DKK2: variants seen among roughly 807,000 people sequenced by gnomAD.
DKK2 encodes dickkopf Wnt signaling pathway inhibitor 2.
A neutral mutation model predicts 28.1 loss-of-function variants in DKK2; 11 were observed. The observed-to-expected ratio is 0.39, with a 90% confidence interval of 0.25 to 0.65. The LOEUF (loss-of-function observed/expected upper bound fraction) is 0.65. Ranked by LOEUF, DKK2 falls within the 30% of genes least tolerant of loss-of-function variation. The pLI is 0.47. For synonymous variants in DKK2, 135 were observed against 126.5 expected, an observed-to-expected ratio of 1.07 and a Z score of -0.45; for missense variants, 326 against 335.5, an observed-to-expected ratio of 0.97 and a Z score of 0.22.
intron 1 of DKK2, among the ~76,000 whole-genome samples, chr4:106,991,219 T>C (rs1202157958): frequency 6.6e-6 from 1 of 152,218 alleles, no homozygotes; most frequent in Non-Finnish European, 1.5e-5. Context: ...TCCAGTTAAT[T>C]TTTTTCATCC....
chr4:106,979,586 C>T (rs999051508), intron 1 of DKK2, among the ~76,000 whole-genome samples: 1 of 152,016 alleles, frequency 6.6e-6, no homozygotes, highest in Non-Finnish European at 1.5e-5. Flanking sequence ...TCCTGTGTAC[C>T]ATAAATAGGC....
At chr4:107,006,031 G>A (rs990031290) in intron 1 of DKK2, among the ~76,000 whole-genome samples, 4 of 152,140 alleles carry the variant, frequency 2.6e-5, no homozygotes, top group Admixed American at 2.6e-4. Flanking sequence ...AAAGTAAATA[G>A]CACCATTCTG....
intron 1 of DKK2, among the ~76,000 whole-genome samples, chr4:106,931,477 T>G (rs1443495179): frequency 6.6e-6 from 1 of 152,124 alleles, no homozygotes; most frequent in African/African-American, 2.4e-5. Flanking sequence ...AATTTTTTGG[T>G]GTGTGTGTTT....
At chr4:106,977,436 TC>T (rs1236824025) in intron 1 of DKK2, among the ~76,000 whole-genome samples, 1 of 152,184 alleles carries the variant, frequency 6.6e-6, no homozygotes, top group Non-Finnish European at 1.5e-5. Context: ...CTTTGTTCTT[TC>T]CTTTTCATTC....
At chr4:107,001,691 C>T (rs982854192) in intron 1 of DKK2, among the ~76,000 whole-genome samples, 2 of 152,066 alleles carry the variant, frequency 1.3e-5, no homozygotes, top group Admixed American at 6.6e-5. Context: ...GGGCAGAGAC[C>T]ATGGATTACC....
chr4:106,934,059 A>G (rs1459760110), intron 1 of DKK2, among the ~76,000 whole-genome samples: 1 of 119,924 alleles, frequency 8.3e-6, no homozygotes, highest in Non-Finnish European at 1.7e-5. Context: ...ACACACAGAT[A>G]CACACACACA....
chr4:106,933,452 A>T (rs1372570790), intron 1 of DKK2, among the ~76,000 whole-genome samples: 1 of 152,210 alleles, frequency 6.6e-6, no homozygotes, highest in Non-Finnish European at 1.5e-5. Flanking sequence ...CTACAACTGT[A>T]TGAAAAAGTA....
intron 1 of DKK2, among the ~76,000 whole-genome samples, chr4:106,970,188 GGTATT>G (rs1352088678): frequency 6.6e-6 from 1 of 151,946 alleles, no homozygotes; most frequent in Non-Finnish European, 1.5e-5. Flanking sequence ...ACTTCACAAG[GGTATT>G]GTAAAGATTA....
In DKK2 at chr4:107,035,791, C is replaced by A. The variant is rs1362157679; in HGVS notation, c.-200G>T. The A allele has an allele frequency of 1.7e-6, 1 of 597,246 alleles. No homozygotes were observed. Among genetic ancestry groups the A allele is most frequent in the Non-Finnish European group, 3.0e-6 (1 of 336,760 alleles). The allele number at this position is 597,246 out of a possible 1,614,324, so 37.0% of individuals were successfully genotyped here. On this transcript the variant is annotated 5_prime_UTR_variant, in exon 1 of 4. Coordinates refer to ENST00000285311, the MANE Select transcript of DKK2 (RefSeq NM_014421.3). The stretch of plus-strand genomic sequence containing the variant: ...AGGACAGAAATTAGCGGAACCCAAG[C>A]GAGACCCGCTTCTCCACCAGGACAG...
At chr4:107,007,477 ATAAATATATTT>A (rs1723454249) in intron 1 of DKK2, among the ~76,000 whole-genome samples, 1 of 152,204 alleles carries the variant, frequency 6.6e-6, no homozygotes, top group Non-Finnish European at 1.5e-5. Context: ...ATATTTTAAA[ATAAATATATTT>A]TGAATAAAAA....
At chr4:106,997,250 T>G (rs555161879) in intron 1 of DKK2, among the ~76,000 whole-genome samples, 1 of 152,278 alleles carries the variant, frequency 6.6e-6, no homozygotes, top group East Asian at 1.9e-4. Flanking sequence ...ACTTTTAACA[T>G]CTAACACAGA....
intron 1 of DKK2, among the ~76,000 whole-genome samples, chr4:106,941,483 A>G (rs1436983234): frequency 2.6e-5 from 4 of 152,130 alleles, no homozygotes; most frequent in Non-Finnish European, 5.9e-5. Context: ...TCTCAGGCCT[A>G]TATTTACATA....
chr4:106,974,305 G>C (rs1234407212), intron 1 of DKK2, among the ~76,000 whole-genome samples: 1 of 152,128 alleles, frequency 6.6e-6, no homozygotes, highest in Non-Finnish European at 1.5e-5. Flanking sequence ...GATGGGGACA[G>C]CATTGAATCT....
intron 1 of DKK2, among the ~76,000 whole-genome samples, chr4:107,000,669 C>A (rs1356955898): frequency 6.6e-6 from 1 of 152,124 alleles, no homozygotes; most frequent in Non-Finnish European, 1.5e-5. Context: ...ATATAGCATG[C>A]CCATATAAGC....
At chr4:106,995,758 G>A (rs1428171862) in intron 1 of DKK2, among the ~76,000 whole-genome samples, 2 of 152,082 alleles carry the variant, frequency 1.3e-5, no homozygotes, top group Non-Finnish European at 2.9e-5. Flanking sequence ...GACTACAAGC[G>A]TGTCCCACCA....
chr4:106,983,957 G>A (rs1723076852), intron 1 of DKK2, among the ~76,000 whole-genome samples: 1 of 152,124 alleles, frequency 6.6e-6, no homozygotes, highest in Non-Finnish European at 1.5e-5. Flanking sequence ...AAATGAGAGA[G>A]CCCTCGGGCT....
intron 1 of DKK2, among the ~76,000 whole-genome samples, chr4:106,938,780 A>G (rs1200609800): frequency 1.3e-5 from 2 of 151,882 alleles, no homozygotes; most frequent in Non-Finnish European, 2.9e-5. Flanking sequence ...AGTGGGCTTC[A>G]TCCCTGGGAT....
intron 1 of DKK2, among the ~76,000 whole-genome samples, chr4:106,992,822 C>T (rs1357840622): frequency 6.6e-6 from 1 of 152,180 alleles, no homozygotes; most frequent in Non-Finnish European, 1.5e-5. Flanking sequence ...ATGGAAAGCA[C>T]TTAAAACAGG....
chr4:106,988,400 G>A (rs1723155904), intron 1 of DKK2, among the ~76,000 whole-genome samples: 1 of 152,106 alleles, frequency 6.6e-6, no homozygotes, highest in South Asian at 2.1e-4. Context: ...ATATAAAATG[G>A]ATATAAAAGG....
Sources: allele counts gnomAD v4.1 joint callset (sites outside exome capture counted in the v4.1 genomes callset), GRCh38; gene constraint gnomAD v4.1.1; transcripts MANE v1.5; gene names NCBI Gene and HGNC (gene_info 2026-07-23, HGNC 2026-07-21).